Variants in SRBD1 observed in about 807,000 individuals in gnomAD.
SRBD1 encodes the protein S1 RNA-binding domain-containing protein 1.
In SRBD1, 88 loss-of-function variants were observed where a neutral mutation model predicts 115.3. The observed-to-expected ratio is 0.76, with a 90% CI of 0.64 to 0.91. The LOEUF (loss-of-function observed/expected upper bound fraction) is 0.91. Among genes scored for constraint, SRBD1 ranks in the 40% least tolerant of loss-of-function variants. The pLI, the probability that SRBD1 is intolerant of heterozygous loss-of-function variation, is 0.00. For missense variants in SRBD1, 1,385 were observed against 1,177.4 expected (o/e 1.18, Z -2.58); for synonymous variants, 509 against 407.7 (o/e 1.25, Z -2.99).
At chr2:45,530,911 G>A (rs762357704) in intron 14 of SRBD1, among the ~76,000 whole-genome samples, 10 of 152,024 alleles carry the variant, frequency 6.6e-5, no homozygotes, top group Non-Finnish European at 1.3e-4. Flanking sequence ...GATCAGCCTG[G>A]GCAACACAGT....
At chr2:45,489,376 C>G (rs1670224361) in intron 14 of SRBD1, among the ~76,000 whole-genome samples, 1 of 152,182 alleles carries the variant, frequency 6.6e-6, no homozygotes, top group Admixed American at 6.5e-5. Context: ...CCCACTGTAA[C>G]AACTGAACAT....
At chr2:45,521,480 A>G (rs146057793) in intron 14 of SRBD1, among the ~76,000 whole-genome samples, 2 of 152,310 alleles carry the variant, frequency 1.3e-5, no homozygotes, top group Admixed American at 6.5e-5. Flanking sequence ...CTAGATGTCT[A>G]TAATTTTAAA....
chr2:45,414,561 G>A (rs1265000961), intron 18 of SRBD1, among the ~76,000 whole-genome samples: 4 of 150,522 alleles, frequency 2.7e-5, no homozygotes, highest in African/African-American at 7.3e-5. Context: ...TGTAGTGTGT[G>A]TACACACATA....
At chr2:45,412,472 A>C (rs1325668395) in intron 19 of SRBD1, among the ~76,000 whole-genome samples, 1 of 152,168 alleles carries the variant, frequency 6.6e-6, no homozygotes, top group Non-Finnish European at 1.5e-5. Flanking sequence ...GATTCAATAA[A>C]AGTTAAAATA....
rs137971515 is a variant in SRBD1, at chr2:45,574,669, A to G, written c.1127T>C (p.Met376Thr). 6.8e-6 allele frequency: 11 copies of G among 1,613,904 alleles called. No homozygotes were observed. The highest frequency in any genetic ancestry group is 1.7e-5 in the Admixed American group (1 of 59,978). Reference sequence around the variant, plus strand: ...AAGCGTGTCTTTGTCTTTAGCAATCATATCTGCTAAAATATGCTGCACTCC... The same window carrying G: ...AAGCGTGTCTTTGTCTTTAGCAATCGTATCTGCTAAAATATGCTGCACTCC... ...EIGVQHILADMIAKDKDTLDF... is the reference protein window; with the variant it reads ...EIGVQHILADTIAKDKDTLDF... Residue 376 changes from methionine to threonine, a missense_variant, in exon 8 of 21, where the codon ATG becomes ACG. By Grantham distance (81) the Met-to-Thr change is moderately conservative. Transcript: ENST00000263736.
chr2:45,389,794 T>C (rs1167812986), intron 20 of SRBD1, among the ~76,000 whole-genome samples, 195 bp from the exon 21 acceptor site: 16 of 152,168 alleles, frequency 1.1e-4, no homozygotes, highest in Non-Finnish European at 2.4e-4. Context: ...ATTCATGCAG[T>C]AGAAACAATT....
At position 45,505,682 on chromosome 2, in the gene SRBD1, T is replaced by C. The variant is rs143981948; in HGVS notation, c.1875-17351A>G. 3.6e-4 allele frequency among the ~76,000 whole-genome samples: 55 copies of C among 152,294 alleles called. No homozygotes were observed. The East Asian group carries it at 0.01, about 28-fold the overall frequency. ...AATACTTAAGAGCTTCCTGAAAGTG[T>C]TTTAGGATCTATTAACTCAAACCCA... On this transcript the variant is annotated intron_variant, in intron 14 of 20. Coordinates refer to ENST00000263736, the MANE Select transcript of SRBD1 (RefSeq NM_018079.5).
rs143543630 is a variant in SRBD1 at position 45,413,356 on chromosome 2, A to C, written c.2334-63T>G. 597 of 1,542,898 alleles carry C rather than the reference A, an allele frequency of 3.9e-4. 5 individuals are homozygous for C. The African/African-American group carries it at 7.7e-3, about 20-fold the overall frequency. ...GGAAGGTTGGGCAGAAAAGTCTTCA[A>C]ATTAAAATGTGCTTACTTCTCTGTC... On this transcript the variant is annotated intron_variant, in intron 18 of 20. Coordinates refer to ENST00000263736, the MANE Select transcript of SRBD1 (RefSeq NM_018079.5).
At chr2:45,586,353 G>A (rs1673521546) in intron 4 of SRBD1, among the ~76,000 whole-genome samples, 1 of 152,022 alleles carries the variant, frequency 6.6e-6, no homozygotes, top group South Asian at 2.1e-4. Flanking sequence ...AATATGTTAT[G>A]CCCATACTAA....
At chr2:45,602,192 A>G (rs1485323476) in intron 2 of SRBD1, 109 bp from the exon 3 acceptor site, 4 of 1,286,574 alleles carry the variant, frequency 3.1e-6, no homozygotes, top group Non-Finnish European at 4.2e-6. Flanking sequence ...GGTGTTTAAT[A>G]TAAAATGGAG....
intron 6 of SRBD1, 53 bp downstream of exon 6, chr2:45,581,640 C>G: frequency 7.2e-7 from 1 of 1,391,960 alleles, no homozygotes; most frequent in South Asian, 1.3e-5. Flanking sequence ...ATAAGAAGAC[C>G]CAAATTGCAA....
intron 16 of SRBD1, among the ~76,000 whole-genome samples, chr2:45,445,497 G>C: frequency 7.4e-6 from 1 of 135,044 alleles, no homozygotes; most frequent in Non-Finnish European, 1.5e-5. Flanking sequence ...GTCACAATGA[G>C]GCAAGTTTCT....
rs749189512 is a variant in SRBD1, at chr2:45,562,682, A to T, written c.1380T>A (p.Asp460Glu). The T allele has an allele frequency of 1.2e-5, 20 of 1,611,098 alleles. No homozygotes were observed. The Admixed American group carries it at 2.2e-4, about 18-fold the overall frequency. Reference sequence around the variant, plus strand: ...TTTGGATGCACCACCTACAGAATTCATCCTTCACTCCATCAGAAATATTGA... The same window carrying T: ...TTTGGATGCACCACCTACAGAATTCTTCCTTCACTCCATCAGAAATATTGA... ...VKVNISDGVKDEFCRWCIQNR... is the reference protein window; with the variant it reads ...VKVNISDGVKEEFCRWCIQNR... Residue 460 changes from aspartate to glutamate, a missense_variant, in exon 10 of 21, where the codon GAT becomes GAA. Asp to Glu is a conservative substitution (Grantham distance 45, BLOSUM62 2). Coordinates refer to ENST00000263736, the MANE Select transcript of SRBD1 (RefSeq NM_018079.5).
intron 14 of SRBD1, among the ~76,000 whole-genome samples, chr2:45,501,938 G>C (rs1239533612): frequency 6.6e-6 from 1 of 152,210 alleles, no homozygotes; most frequent in African/African-American, 2.4e-5. Flanking sequence ...TTTGAAGAGA[G>C]TAGTGGTTCT....
chr2:45,490,500 T>C (rs374128201), intron 14 of SRBD1, among the ~76,000 whole-genome samples: 10 of 152,170 alleles, frequency 6.6e-5, no homozygotes, highest in African/African-American at 2.4e-4. Context: ...AAGTCTTTTC[T>C]AAAAAGACAG....
At chr2:45,552,733 G>A (rs116660270) in intron 11 of SRBD1, among the ~76,000 whole-genome samples, 124 of 152,218 alleles carry the variant, frequency 8.1e-4, no homozygotes, top group African/African-American at 2.9e-3. Flanking sequence ...GCTACATCTA[G>A]GCTAAAATGG....
chr2:45,567,209 C>T (rs1405202451), intron 9 of SRBD1, among the ~76,000 whole-genome samples: 1 of 151,994 alleles, frequency 6.6e-6, no homozygotes, highest in African/African-American at 2.4e-5. Flanking sequence ...AAATATCAAA[C>T]AAATTGTCAG....
At chr2:45,599,337 C>T (rs1188309911) in intron 4 of SRBD1, 112 bp downstream of exon 4, 9 of 1,439,304 alleles carry the variant, frequency 6.3e-6, no homozygotes, top group Non-Finnish European at 8.4e-6. Context: ...ACTGGCAAAA[C>T]TGAAGAGAGA....
At chr2:45,544,728 C>A (rs1241690515) in intron 14 of SRBD1, among the ~76,000 whole-genome samples, 1 of 152,106 alleles carries the variant, frequency 6.6e-6, no homozygotes, top group East Asian at 1.9e-4. Context: ...GAAAATACTG[C>A]ATCTAATTTC....
Sources: gnomAD v4.1 joint callset for allele counts (sites outside exome capture counted in the v4.1 genomes callset) on GRCh38, gnomAD v4.1.1 for gene constraint, MANE v1.5 for transcripts, NCBI Gene and HGNC (gene_info 2026-07-23, HGNC 2026-07-21) for gene names.